Variants in PRRG1 observed in about 807,000 individuals in gnomAD.
PRRG1 encodes transmembrane gamma-carboxyglutamic acid protein 1.
PRRG1 carries 5 observed loss-of-function variants against 11.8 expected under a neutral mutation model. That is an observed-to-expected ratio of 0.42 (90% confidence interval 0.22 to 0.89). The LOEUF (loss-of-function observed/expected upper bound fraction) is 0.89, where lower values mean the gene tolerates loss of function less well. Among genes scored for constraint, PRRG1 ranks in the 40% least tolerant of loss-of-function variants. The pLI, the probability that PRRG1 is intolerant of heterozygous loss-of-function variation, is 0.28. For missense variants in PRRG1, 155 were observed against 166.1 expected, an observed-to-expected ratio of 0.93 and a Z score of 0.37; for synonymous variants, 66 against 60.4, an observed-to-expected ratio of 1.09 and a Z score of -0.43.
intron 1 of PRRG1, among the ~76,000 whole-genome samples, chrX:37,380,174 C>T (rs149781123): frequency 0.019 from 2,082 of 111,470 alleles, 23 homozygotes; most frequent in Middle Eastern, 0.051. Flanking sequence ...TTGCAGAGAA[C>T]TAGCTTGACT....
At chrX:37,393,549 A>G (rs1931613643) in intron 1 of PRRG1, among the ~76,000 whole-genome samples, 1 of 111,432 alleles carries the variant, frequency 9.0e-6, no homozygotes, top group African/African-American at 3.3e-5. Context: ...CACTGCATTT[A>G]CAAGGAAATC....
At chrX:37,420,953 T>G (rs1428312186) in intron 2 of PRRG1, among the ~76,000 whole-genome samples, 3 of 111,606 alleles carry the variant, frequency 2.7e-5, no homozygotes, top group African/African-American at 9.8e-5. Flanking sequence ...TATGCCTGCC[T>G]TCTGACCTTG....
At chrX:37,426,778 G>A (rs782740054) in intron 3 of PRRG1, among the ~76,000 whole-genome samples, 1 of 112,099 alleles carries the variant, frequency 8.9e-6, no homozygotes, top group Admixed American at 9.4e-5. Flanking sequence ...CACAAAGCAC[G>A]GTTGACCTTT....
chrX:37,413,220 C>T (rs782506627), intron 2 of PRRG1, among the ~76,000 whole-genome samples: 18 of 110,481 alleles, frequency 1.6e-4, no homozygotes, highest in Non-Finnish European at 3.2e-4. Flanking sequence ...TGGGTAAATG[C>T]GTAAAGAATG....
intron 1 of PRRG1, among the ~76,000 whole-genome samples, chrX:37,358,564 T>C (rs1001661847): frequency 2.4e-4 from 27 of 111,688 alleles, no homozygotes; most frequent in African/African-American, 8.5e-4. Flanking sequence ...TCTATTCTGT[T>C]ACATTTACCT....
At chrX:37,421,945 T>G (rs782255036) in intron 2 of PRRG1, among the ~76,000 whole-genome samples, 2 of 112,000 alleles carry the variant, frequency 1.8e-5, no homozygotes, top group Non-Finnish European at 3.8e-5. Context: ...AAAATCTACT[T>G]GCCAGCTGAA....
intron 1 of PRRG1, among the ~76,000 whole-genome samples, chrX:37,395,021 G>A (rs1437793044): frequency 8.9e-6 from 1 of 111,797 alleles, no homozygotes; most frequent in Non-Finnish European, 1.9e-5. Context: ...ATCTTTGTTA[G>A]TATCCTCATA....
chrX:37,441,909 G>A, intron 3 of PRRG1: 1 of 771,796 alleles, frequency 1.3e-6, no homozygotes, highest in Non-Finnish European at 1.5e-6. Context: ...GTGACCCCCA[G>A]CTATGCGACT....
At chrX:37,432,138 A>G (rs1932834734) in intron 3 of PRRG1, among the ~76,000 whole-genome samples, 1 of 105,106 alleles carries the variant, frequency 9.5e-6, no homozygotes, top group Non-Finnish European at 1.9e-5. Flanking sequence ...CCCAGGCTGG[A>G]GTGCAGTGGC....
intron 1 of PRRG1, among the ~76,000 whole-genome samples, chrX:37,351,508 A>G (rs1405120803): frequency 9.0e-6 from 1 of 110,940 alleles, no homozygotes; most frequent in Non-Finnish European, 1.9e-5. Flanking sequence ...AAAAAAAAAA[A>G]GAAAGAAAGA....
At chrX:37,395,007 C>G in intron 1 of PRRG1, among the ~76,000 whole-genome samples, 1 of 111,721 alleles carries the variant, frequency 9.0e-6, no homozygotes, top group East Asian at 2.8e-4. Flanking sequence ...GGGAAAAATA[C>G]CAAATCTTTG....
At chrX:37,368,400 T>C (rs150736123) in intron 1 of PRRG1, among the ~76,000 whole-genome samples, 2,176 of 112,012 alleles carry the variant, frequency 0.019, 52 homozygotes, top group African/African-American at 0.066. Context: ...TTCTATTGAA[T>C]TGACCCTTTT....
intron 3 of PRRG1, among the ~76,000 whole-genome samples, chrX:37,426,495 G>A (rs1556388460): frequency 8.9e-6 from 1 of 111,899 alleles, no homozygotes; most frequent in East Asian, 2.8e-4. Context: ...GACAGCACAA[G>A]GCAGGGGTGA....
chrX:37,454,257 T>C lies in PRRG1; in HGVS notation c.*636T>C, dbSNP rs1192361489. ...CAGCAGATAGCAATAAGGTATTTGG[T>C]GGCATTCGGCTTGTTTTGTAATAGG... is the stretch of plus-strand genomic sequence containing the variant. On this transcript the variant is annotated 3_prime_UTR_variant, in exon 4 of 4. Coordinates refer to ENST00000378628, the MANE Select transcript of PRRG1 (RefSeq NM_001142395.2). 1.8e-5 allele frequency: 2 copies of C among 112,252 alleles called. No individual in the cohort carries two copies. Among genetic ancestry groups the C allele is most frequent in the Non-Finnish European group, 1.9e-5 (1 of 53,236 alleles). 9.3% of individuals were successfully genotyped at this position (112,252 alleles called of 1,213,427 possible).
At chrX:37,384,180 C>T (rs1297083832) in intron 1 of PRRG1, among the ~76,000 whole-genome samples, 16 of 111,399 alleles carry the variant, frequency 1.4e-4, no homozygotes, top group Admixed American at 1.2e-3. Flanking sequence ...TATACTTTCC[C>T]GTTTGCAGAA....
chrX:37,402,771 T>A (rs1932046431), intron 1 of PRRG1, among the ~76,000 whole-genome samples: 1 of 110,671 alleles, frequency 9.0e-6, no homozygotes, highest in African/African-American at 3.3e-5. Flanking sequence ...TACAATGAAC[T>A]CAAACAAATT....
rs1444628233 is a variant in PRRG1 at position 37,386,065 on chromosome X, A to G, written c.-41-20144A>G. On this transcript the variant is annotated intron_variant, in intron 1 of 3. Coordinates refer to ENST00000378628, the MANE Select transcript of PRRG1 (RefSeq NM_001142395.2). ...GCGTGAGCTACTGGTGCCCAGCCCA[A>G]GATGGCTTCTTCATGTACCTGTTGA... Among the ~76,000 whole-genome samples, 3 of 112,409 alleles carry G rather than the reference A, an allele frequency of 2.7e-5. No individual in the cohort carries two copies. In the East Asian group the frequency reaches 8.4e-4, roughly 32 times the overall value.
At chrX:37,450,319 G>A (rs1196725710) in intron 3 of PRRG1, among the ~76,000 whole-genome samples, 1 of 111,928 alleles carries the variant, frequency 8.9e-6, no homozygotes, top group Non-Finnish European at 1.9e-5. Flanking sequence ...AAGTGAGGAT[G>A]ATAACAGAGC....
rs542194109 is a variant in PRRG1 at position 37,376,551 on chromosome X, G to GTATATATATATATA, written c.-42+27164_-42+27177dup. ...TCAGTGTTTAGTCAGAAATGTGAGT[G>GTATATATATATATA]TATATATATATATATATATATGTGC... On this transcript the variant is annotated intron_variant, in intron 1 of 3. Coordinates refer to ENST00000378628, the MANE Select transcript of PRRG1 (RefSeq NM_001142395.2). 6.1e-3 allele frequency among the ~76,000 whole-genome samples: 165 copies of GTATATATATATATA among 26,884 alleles called. 25 individuals are homozygous for GTATATATATATATA. The highest frequency in any genetic ancestry group is 0.044 in the East Asian group (23 of 524). The allele number at this position is 26,884 out of a possible 115,157, so 23.3% of individuals were successfully genotyped here.
Sources: allele counts gnomAD v4.1 joint callset (sites outside exome capture counted in the v4.1 genomes callset), GRCh38; gene constraint gnomAD v4.1.1; transcripts MANE v1.5; gene names NCBI Gene and HGNC (gene_info 2026-07-23, HGNC 2026-07-21).